The following CYTH4 variants were observed in gnomAD, a reference collection of about 807,000 sequenced individuals.
CYTH4 encodes the protein cytohesin 4, also known as cytohesin-4.
Under a neutral mutation model 57.5 loss-of-function variants are expected in CYTH4, and 22 were observed. That is an observed-to-expected ratio of 0.38 (90% CI 0.27 to 0.55). The LOEUF (loss-of-function observed/expected upper bound fraction) is 0.55. Ranked by LOEUF, CYTH4 falls within the 20% of genes least tolerant of loss-of-function variation. The pLI is 0.74. For missense variants in CYTH4, 420 were observed against 535.6 expected, an observed-to-expected ratio of 0.78 and a Z score of 2.13; for synonymous variants, 186 against 206.5, an observed-to-expected ratio of 0.90 and a Z score of 0.85.
At chr22:37,305,166 T>C (rs80120245) in intron 8 of CYTH4, among the ~76,000 whole-genome samples, 3,227 of 152,282 alleles carry the variant, frequency 0.021, 132 homozygotes, top group African/African-American at 0.074. Context: ...TGCCACATTA[T>C]TGCCTCTAGC....
Position 37,312,081 on chromosome 22 carries a change from A to G in CYTH4, c.1019A>G (p.Asp340Gly), listed in dbSNP as rs1929665210. ...CAGAAAATCAAGGCCTGCAAGACCGATGGCGACGGCAGGGTGGTGGAGGGC... is the reference window on the plus strand; with the variant it reads ...CAGAAAATCAAGGCCTGCAAGACCGGTGGCGACGGCAGGGTGGTGGAGGGC... ...RGQKIKACKTDGDGRVVEGKH... is the reference protein window; with the variant it reads ...RGQKIKACKTGGDGRVVEGKH... Residue 340 changes from aspartate to glycine, a missense_variant, in exon 12 of 13, where the codon GAT becomes GGT. Coordinates refer to ENST00000248901, the MANE Select transcript of CYTH4 (RefSeq NM_013385.5). The G allele has an allele frequency of 6.2e-7, 1 of 1,614,144 alleles. No homozygotes were observed. The highest frequency in any genetic ancestry group is 8.5e-7 in the Non-Finnish European group (1 of 1,180,022).
In CYTH4 at chr22:37,292,637, C is replaced by T; in HGVS notation, c.36C>T (p.Ser12=). ...DLCHPEPAEL[S]SGETEELQRI... is the part of the protein sequence containing the mutation. ...TCTCTGTAGAGCCCGCGGAGCTGAG[C>T]AGCGGGGAGACGGAAGAGTTACAGA... is the stretch of plus-strand genomic sequence containing the variant. Residue 12 remains serine (S), a synonymous_variant, in exon 2 of 13, where the codon AGC becomes AGT. Coordinates refer to ENST00000248901, the MANE Select transcript of CYTH4 (RefSeq NM_013385.5). The T allele has an allele frequency of 6.2e-7, 1 of 1,613,898 alleles. No individual in the cohort carries two copies. The highest frequency in any genetic ancestry group is 1.1e-5 in the South Asian group (1 of 91,088).
intron 1 of CYTH4, among the ~76,000 whole-genome samples, chr22:37,286,194 CG>C: frequency 6.6e-6 from 1 of 152,184 alleles, no homozygotes; most frequent in African/African-American, 2.4e-5. Context: ...TAGCGTCCGA[CG>C]GGTGTTTGAT....
intron 8 of CYTH4, 105 bp from the exon 9 acceptor site, chr22:37,309,107 C>A: frequency 1.2e-6 from 1 of 856,914 alleles, no homozygotes; most frequent in East Asian, 2.7e-5. Context: ...AAGAGTATGC[C>A]TGCAGGTGAG....
chr22:37,299,293 G>C lies in CYTH4; in HGVS notation c.421G>C (p.Val141Leu). 1 of 1,613,608 alleles carries C rather than the reference G, an allele frequency of 6.2e-7. No individual in the cohort carries two copies. The highest frequency in any genetic ancestry group is 8.5e-7 in the Non-Finnish European group (1 of 1,179,718). ...CCACGAGTTCGCCAACCTCAACCTCGTCCAGGCCCTCAGGTGAGTAGTCCT... is the reference window on the plus strand; with the variant it reads ...CCACGAGTTCGCCAACCTCAACCTCCTCCAGGCCCTCAGGTGAGTAGTCCT... ...DCHEFANLNLVQALRQFLWSF... is the reference protein window; with the variant it reads ...DCHEFANLNLLQALRQFLWSF... Residue 141 changes from valine (V) to leucine (L), a missense_variant, in exon 6 of 13, where the codon GTC (valine) becomes CTC (leucine). Coordinates refer to ENST00000248901, the MANE Select transcript of CYTH4 (RefSeq NM_013385.5).
intron 1 of CYTH4, among the ~76,000 whole-genome samples, chr22:37,285,196 G>A (rs1243390021): frequency 1.3e-5 from 2 of 152,214 alleles, no homozygotes; most frequent in Non-Finnish European, 2.9e-5. Flanking sequence ...GAAAGAGGAA[G>A]GACAAAGAGG....
intron 8 of CYTH4, 103 bp from the exon 9 acceptor site, chr22:37,309,109 G>A: frequency 1.1e-6 from 1 of 872,064 alleles, no homozygotes; most frequent in Non-Finnish European, 1.8e-6. Flanking sequence ...GAGTATGCCT[G>A]CAGGTGAGTG....
chr22:37,286,242 A>G (rs1334975437), intron 1 of CYTH4, among the ~76,000 whole-genome samples: 1 of 152,190 alleles, frequency 6.6e-6, no homozygotes, highest in Non-Finnish European at 1.5e-5. Flanking sequence ...GAAGATCAAC[A>G]TCAGGGCTGT....
chr22:37,298,656 T>C lies in CYTH4; in HGVS notation c.354-570T>C, dbSNP rs1014729393. Among the ~76,000 whole-genome samples, 1 of 151,600 alleles carries C rather than the reference T, an allele frequency of 6.6e-6. No individual in the cohort carries two copies. The highest frequency in any genetic ancestry group is 1.5e-5 in the Non-Finnish European group (1 of 67,866). ...TTGTGGGCGAGGAGGTGGGGATCTG[T>C]GGGAGCGCTCTGGGCAAAGGACTGG... On this transcript the variant is annotated intron_variant, in intron 5 of 12. Coordinates refer to ENST00000248901, the MANE Select transcript of CYTH4 (RefSeq NM_013385.5). This position sits in a 1 kb window ranked among gnomAD's most constrained non-coding sequence, Gnocchi z 4.1.
chr22:37,291,379 A>G (rs1285649125), intron 1 of CYTH4, among the ~76,000 whole-genome samples: 1 of 152,088 alleles, frequency 6.6e-6, no homozygotes, highest in Non-Finnish European at 1.5e-5. Context: ...AGGGAAAGGG[A>G]GCGCTCAACA....
intron 1 of CYTH4, among the ~76,000 whole-genome samples, chr22:37,286,943 G>A (rs1395146141): frequency 1.3e-5 from 2 of 152,164 alleles, no homozygotes; most frequent in African/African-American, 4.8e-5. Flanking sequence ...TGGGATGACA[G>A]TGGAGCCATG....
intron 9 of CYTH4, among the ~76,000 whole-genome samples, chr22:37,309,676 A>T (rs947050371): frequency 6.6e-6 from 1 of 152,162 alleles, no homozygotes; most frequent in African/African-American, 2.4e-5. Context: ...TTCAGAACCT[A>T]CTGAGCTCAG....
chr22:37,287,533 C>T (rs550222692), intron 1 of CYTH4, among the ~76,000 whole-genome samples: 152 of 152,326 alleles, frequency 1.0e-3, no homozygotes, highest in Non-Finnish European at 2.0e-3. Context: ...GGTTTTTTCC[C>T]ATGGATGAGA....
At chr22:37,292,274 T>A (rs1320726479) in intron 1 of CYTH4, 1 of 256,524 alleles carries the variant, frequency 3.9e-6, no homozygotes, top group Non-Finnish European at 7.5e-6. Context: ...GCTTATGACA[T>A]GTCAGACTCT....
intron 6 of CYTH4, among the ~76,000 whole-genome samples, chr22:37,300,498 G>T (rs1929138894): frequency 6.6e-6 from 1 of 152,084 alleles, no homozygotes. Context: ...TCCAAGAAAG[G>T]GAGCCCTAGC....
intron 9 of CYTH4, chr22:37,309,841 C>G (rs1929570445): frequency 3.2e-6 from 1 of 313,288 alleles, no homozygotes; most frequent in Non-Finnish European, 6.7e-6. Context: ...GGGAGGCTCC[C>G]TTCAAGCTGA....
rs1354388500 is a variant in CYTH4 at position 37,313,477 on chromosome 22, C to T, written c.1151C>T (p.Ser384Phe). The T allele has an allele frequency of 1.2e-6, 2 of 1,614,196 alleles. No homozygotes were observed. Among genetic ancestry groups the T allele is most frequent in the Non-Finnish European group, 1.7e-6 (2 of 1,180,020 alleles). ...CGTGTCCCCTTCTACGACCTGGTCT[C>T]TACTCGGAAGAAGAAGATTGCCAGC... ...ITRVPFYDLV[S>F]TRKKKIASKQ Residue 384 changes from serine to phenylalanine, a missense_variant, in exon 13 of 13, where the codon TCT becomes TTT. Transcript: ENST00000248901.
chr22:37,311,192 C>A lies in CYTH4; in HGVS notation c.885+128C>A. 1.8e-6 allele frequency: 2 copies of A among 1,102,242 alleles called. No homozygotes were observed. Among genetic ancestry groups the A allele is most frequent in the Non-Finnish European group, 2.7e-6 (2 of 741,168 alleles). 68.3% of individuals were successfully genotyped at this position (1,102,242 alleles called of 1,614,324 possible). A position where few individuals can be genotyped will look rare whatever the true frequency, so the allele number is the denominator to read the frequency against. On this transcript the variant is annotated intron_variant, in intron 10 of 12. Transcript: ENST00000248901. This position sits in a 1 kb window ranked among gnomAD's most constrained non-coding sequence, Gnocchi z 4.4. ...TGAGATCATTCAGTCCCCCTCCATG[C>A]CCATTTTACAGATGGGGAAAACGGG...
intron 8 of CYTH4, among the ~76,000 whole-genome samples, chr22:37,308,490 A>G (rs999060960): frequency 6.6e-6 from 1 of 151,736 alleles, no homozygotes; most frequent in African/African-American, 2.4e-5. Context: ...GTACGTGTGC[A>G]TGTGTGTACA....
Sources: allele counts gnomAD v4.1 joint callset (sites outside exome capture counted in the v4.1 genomes callset), GRCh38; gene constraint gnomAD v4.1.1; non-coding constraint Gnocchi (gnomAD v3.1); transcripts MANE v1.5; gene names NCBI Gene and HGNC (gene_info 2026-07-23, HGNC 2026-07-21).